The following FERMT1 variants were observed in gnomAD, a reference collection of about 807,000 sequenced individuals.
The protein encoded by FERMT1 is fermitin family homolog 1.
In FERMT1, 60 loss-of-function variants were observed where a neutral mutation model predicts 85.3. The observed-to-expected ratio is 0.70, with a 90% CI of 0.57 to 0.87. FERMT1 has a LOEUF of 0.87. Among genes scored for constraint, FERMT1 ranks in the 40% least tolerant of loss-of-function variants. The pLI, the probability that FERMT1 is intolerant of heterozygous loss-of-function variation, is 0.00. For synonymous variants in FERMT1, 275 were observed against 301.1 expected (o/e 0.91, Z 0.90); for missense variants, 701 against 818.9 (o/e 0.86, Z 1.76).
intron 1 of FERMT1, among the ~76,000 whole-genome samples, chr20:6,119,956 A>G (rs1983222195): frequency 6.6e-6 from 1 of 152,162 alleles, no homozygotes; most frequent in Non-Finnish European, 1.5e-5. Flanking sequence ...AAAGAAATCA[A>G]TTTTATTAAG....
rs1981831165 is a variant in FERMT1, at chr20:6,076,665, AGT to A, written c.*506_*507del. 5.9e-5 allele frequency: 20 copies of A among 338,402 alleles called. No individual in the cohort carries two copies. Among genetic ancestry groups the A allele is most frequent in the South Asian group, 4.2e-4 (18 of 42,820 alleles). 21.0% of individuals were successfully genotyped at this position (338,402 alleles called of 1,614,324 possible). A position where few individuals can be genotyped will look rare whatever the true frequency, so the allele number is the denominator to read the frequency against. On this transcript the variant is annotated 3_prime_UTR_variant, in exon 15 of 15. Coordinates refer to ENST00000217289, the MANE Select transcript of FERMT1 (RefSeq NM_017671.5). ...CCTAGACCTTGGCCTCCAGGGAAAA[AGT>A]GTGTGTAGGAACTCCCTCTGCCATT... is the stretch of plus-strand genomic sequence containing the variant.
At chr20:6,081,267 A>T (rs78362174) in intron 13 of FERMT1, among the ~76,000 whole-genome samples, 1 of 54,588 alleles carries the variant, frequency 1.8e-5, no homozygotes, top group Non-Finnish European at 3.9e-5. Context: ...GCCTCTAATT[A>T]AAAAAAAAAA....
chr20:6,098,024 G>C (rs1264287728), intron 6 of FERMT1, among the ~76,000 whole-genome samples: 1 of 151,932 alleles, frequency 6.6e-6, no homozygotes, highest in Non-Finnish European at 1.5e-5. Flanking sequence ...ATGTTGCCCA[G>C]GCTGGTCTCA....
Position 6,077,299 on chromosome 20 carries a change from C to T in FERMT1, c.1908G>A (p.Leu636=), listed in dbSNP as rs1413934400. The T allele has an allele frequency of 1.2e-5, 19 of 1,614,068 alleles. No homozygotes were observed. The Admixed American group carries it at 2.5e-4, about 21-fold the overall frequency. ...DQNVFTAFTC[L]SADCKIVHEY... ...CGTGCACAATCTTGCAATCTGCACT[C>T]AGGCAGGTGAAAGCAGTAAAGACGT... Residue 636 remains leucine (L), a synonymous_variant, in exon 15 of 15, where the codon CTG becomes CTA. Transcript: ENST00000217289.
chr20:6,102,338 T>A (rs538372786), intron 6 of FERMT1, among the ~76,000 whole-genome samples: 37 of 151,904 alleles, frequency 2.4e-4, no homozygotes, highest in Non-Finnish European at 4.6e-4. Flanking sequence ...TTTTCCTTGG[T>A]GGGGTTGGCT....
intron 6 of FERMT1, among the ~76,000 whole-genome samples, chr20:6,101,374 T>C (rs1982653583): frequency 1.3e-5 from 2 of 152,130 alleles, no homozygotes; most frequent in African/African-American, 2.4e-5. Context: ...TTTCAGTGGT[T>C]AAAAAAAGTG....
chr20:6,082,182 G>A lies in FERMT1; in HGVS notation c.1718+1858C>T, dbSNP rs188526133. 1.9e-3 allele frequency among the ~76,000 whole-genome samples: 283 copies of A among 152,340 alleles called. 2 individuals are homozygous for A. Among genetic ancestry groups the A allele is most frequent in the Middle Eastern group, 6.8e-3 (2 of 294 alleles). On this transcript the variant is annotated intron_variant, in intron 13 of 14. Coordinates refer to ENST00000217289, the MANE Select transcript of FERMT1 (RefSeq NM_017671.5). ...TAAACAGGTGTTAGAGATAGAGGGA[G>A]GTGCAGGGGGAAGTAGCTGGTAAAG...
chr20:6,090,053 A>AG lies in FERMT1; in HGVS notation c.1140-965dup, dbSNP rs201417101. On this transcript the variant is annotated intron_variant, in intron 9 of 14. Transcript: ENST00000217289. ...CCTTGGTGTTCCTCTTGGAGAAGAG[A>AG]GGAACCATTCATATGTAATTTGGGG... Among the ~76,000 whole-genome samples the AG allele has an allele frequency of 6.4e-3, 979 of 152,208 alleles. 9 individuals are homozygous for AG. Among genetic ancestry groups the AG allele is most frequent in the African/African-American group, 0.022 (893 of 41,520 alleles).
intron 1 of FERMT1, 111 bp from the exon 2 acceptor site, chr20:6,119,683 T>C (rs1308855009): frequency 3.6e-6 from 3 of 826,744 alleles, no homozygotes; most frequent in Non-Finnish European, 5.8e-6. Flanking sequence ...TGTAACCTCC[T>C]CTTCAAAACA....
At chr20:6,095,451 C>T (rs1292208977) in intron 8 of FERMT1, among the ~76,000 whole-genome samples, 1 of 152,166 alleles carries the variant, frequency 6.6e-6, no homozygotes, top group African/African-American at 2.4e-5. Flanking sequence ...CTTTTATATG[C>T]AAACAAAAGA....
chr20:6,081,091 A>G (rs929088409), intron 13 of FERMT1, among the ~76,000 whole-genome samples: 6 of 152,124 alleles, frequency 3.9e-5, no homozygotes, highest in Admixed American at 1.3e-4. Flanking sequence ...GATTGAGAGC[A>G]GCCTGGGTAA....
At chr20:6,115,629 T>C (rs1983074319) in intron 3 of FERMT1, among the ~76,000 whole-genome samples, 182 bp downstream of exon 3, 1 of 152,210 alleles carries the variant, frequency 6.6e-6, no homozygotes, top group Non-Finnish European at 1.5e-5. Context: ...TTTATGCCAA[T>C]AATGTTCCAC....
In FERMT1 at chr20:6,121,735, C is replaced by G. The variant is rs76006399; in HGVS notation, c.-19+1039G>C. On this transcript the variant is annotated intron_variant, in intron 1 of 14. Coordinates refer to ENST00000217289, the MANE Select transcript of FERMT1 (RefSeq NM_017671.5). ...CACACAGCAAGTTAGATGCTGGAGC[C>G]CAGGTGGAAATCCAGGTCTGCCTTT... Among the ~76,000 whole-genome samples, 46 of 152,288 alleles carry G rather than the reference C, an allele frequency of 3.0e-4. No individual in the cohort carries two copies. In the East Asian group the frequency reaches 8.9e-3, roughly 29 times the overall value.
In FERMT1 at chr20:6,104,679, G is replaced by A. The variant is rs947279599; in HGVS notation, c.849+2853C>T. The stretch of plus-strand genomic sequence containing the variant: ...AGAGGGAGCTCCTCACCAATTAAGC[G>A]GGCAGAGGCTGGAGGCCAAAGAGCC... On this transcript the variant is annotated intron_variant, in intron 6 of 14. Coordinates refer to ENST00000217289, the MANE Select transcript of FERMT1 (RefSeq NM_017671.5). This position sits in a 1 kb window ranked among gnomAD's most constrained non-coding sequence, Gnocchi z 4.2. Among the ~76,000 whole-genome samples the A allele has an allele frequency of 7.9e-5, 12 of 152,156 alleles. No individual in the cohort carries two copies. Among genetic ancestry groups the A allele is most frequent in the African/African-American group, 2.2e-4 (9 of 41,430 alleles).
chr20:6,101,461 A>T (rs899851152), intron 6 of FERMT1, among the ~76,000 whole-genome samples: 3 of 152,182 alleles, frequency 2.0e-5, no homozygotes, highest in Non-Finnish European at 4.4e-5. Flanking sequence ...TACAGAGAAA[A>T]CAAATGATCC....
chr20:6,110,335 G>C lies in FERMT1; in HGVS notation c.709C>G (p.Pro237Ala). ...TTGGCTTTATCAACCAGAGACCGAGGCTGGTACATATCCGCAAGTGCTTCT... is the reference window on the plus strand; with the variant it reads ...TTGGCTTTATCAACCAGAGACCGAGCCTGGTACATATCCGCAAGTGCTTCT... ...SPEALADMYQ[P>A]RSLVDKAKLN... The change falls in exon 5 of 15, where the codon CCT (proline) becomes GCT (alanine). Residue 237 changes from proline to alanine, a missense_variant. Pro to Ala is a conservative substitution (Grantham distance 27). Transcript: ENST00000217289. 6.2e-7 allele frequency: 1 copy of C among 1,613,486 alleles called. No homozygotes were observed.
chr20:6,076,676 G>A lies in FERMT1; in HGVS notation c.*497C>T. 3.0e-6 allele frequency: 1 copy of A among 334,106 alleles called. No homozygotes were observed. Among genetic ancestry groups the A allele is most frequent in the South Asian group, 2.4e-5 (1 of 41,444 alleles). 20.7% of individuals were successfully genotyped at this position (334,106 alleles called of 1,614,324 possible). On this transcript the variant is annotated 3_prime_UTR_variant, in exon 15 of 15. Coordinates refer to ENST00000217289, the MANE Select transcript of FERMT1 (RefSeq NM_017671.5). ...GCCTCCAGGGAAAAAGTGTGTGTAGGAACTCCCTCTGCCATTTTGAAAAGA... is the reference window on the plus strand; with the variant it reads ...GCCTCCAGGGAAAAAGTGTGTGTAGAAACTCCCTCTGCCATTTTGAAAAGA...
At chr20:6,114,946 T>G (rs1264373174) in intron 3 of FERMT1, among the ~76,000 whole-genome samples, 2 of 152,228 alleles carry the variant, frequency 1.3e-5, no homozygotes, top group Non-Finnish European at 2.9e-5. Flanking sequence ...TGCTAAAATG[T>G]AAGCTCCAGG....
intron 11 of FERMT1, among the ~76,000 whole-genome samples, chr20:6,086,039 G>A (rs1157781991): frequency 6.6e-6 from 1 of 151,976 alleles, no homozygotes; most frequent in East Asian, 1.9e-4. Context: ...CTACTTGGGA[G>A]GCTGAGGCAG....
Sources: allele counts gnomAD v4.1 joint callset (sites outside exome capture counted in the v4.1 genomes callset), GRCh38; gene constraint gnomAD v4.1.1; non-coding constraint Gnocchi (gnomAD v3.1); transcripts MANE v1.5; gene names NCBI Gene and HGNC (gene_info 2026-07-23, HGNC 2026-07-21).